The following C2orf76 variants were observed in gnomAD, a reference collection of about 807,000 sequenced individuals.
C2orf76 encodes UPF0538 protein C2orf76.
A neutral mutation model predicts 16.9 loss-of-function variants in C2orf76; 23 were observed. That is an observed-to-expected ratio of 1.36 (90% CI 0.98 to 1.93). C2orf76 has a LOEUF of 1.93. Among genes scored for constraint, C2orf76 ranks in the 30% most tolerant of loss-of-function variants. The pLI is 0.00. For missense variants in C2orf76, 152 were observed against 152.6 expected (o/e 1.00, Z 0.02); for synonymous variants, 48 against 52.3 (o/e 0.92, Z 0.35).
rs375117333 is a variant in C2orf76 at position 119,365,350 on chromosome 2, G to A, written c.-13+1440C>T. 7.2e-5 allele frequency among the ~76,000 whole-genome samples: 11 copies of A among 152,294 alleles called. No individual in the cohort carries two copies. The East Asian group carries it at 1.2e-3, about 16-fold the overall frequency. On this transcript the variant is annotated intron_variant, in intron 1 of 5. Coordinates refer to ENST00000334816, the MANE Select transcript of C2orf76 (RefSeq NM_001322331.2). ...TGAATTGTGATTTTCGAAGAAACCT[G>A]CATTTCTTACACTTCAGTGTACTTT...
intron 2 of C2orf76, among the ~76,000 whole-genome samples, chr2:119,326,533 A>T (rs1313538677): frequency 6.6e-6 from 1 of 152,104 alleles, no homozygotes; most frequent in African/African-American, 2.4e-5. Flanking sequence ...TTTGTGAGTT[A>T]TGACGATTTT....
At chr2:119,348,691 A>G (rs1680285922) in intron 1 of C2orf76, among the ~76,000 whole-genome samples, 1 of 151,940 alleles carries the variant, frequency 6.6e-6, no homozygotes, top group Non-Finnish European at 1.5e-5. Flanking sequence ...TGTCTTAAAA[A>G]AAAAAAGAAA....
chr2:119,326,070 A>T (rs1007618613), intron 2 of C2orf76, among the ~76,000 whole-genome samples: 1 of 152,238 alleles, frequency 6.6e-6, no homozygotes, highest in African/African-American at 2.4e-5. Flanking sequence ...TTGAAAAGGA[A>T]AAGTTTTTAA....
chr2:119,348,570 C>T (rs1437772251), intron 1 of C2orf76, among the ~76,000 whole-genome samples: 1 of 152,028 alleles, frequency 6.6e-6, no homozygotes, highest in Non-Finnish European at 1.5e-5. Context: ...CCTGTAATCC[C>T]AGCTACTCGG....
chr2:119,311,062 T>A (rs1429317060), intron 5 of C2orf76: 1 of 696,450 alleles, frequency 1.4e-6, no homozygotes, highest in Non-Finnish European at 1.8e-6. Context: ...TGACATCTAA[T>A]GGTCACAAAA....
chr2:119,311,741 T>C, intron 4 of C2orf76, 38 bp from the exon 5 acceptor site: 1 of 1,558,362 alleles, frequency 6.4e-7, no homozygotes, highest in South Asian at 1.2e-5. Context: ...TTATCAGTAC[T>C]TACATGGGTT....
At chr2:119,338,100 C>T (rs1679908730) in intron 2 of C2orf76, among the ~76,000 whole-genome samples, 1 of 152,156 alleles carries the variant, frequency 6.6e-6, no homozygotes, top group African/African-American at 2.4e-5. Context: ...TGGGTAATGA[C>T]CTTTCAAAAG....
Position 119,366,812 on chromosome 2 carries a change from C to T in C2orf76, c.-35G>A. 1.7e-6 allele frequency: 1 copy of T among 585,178 alleles called. No homozygotes were observed. The highest frequency in any genetic ancestry group is 3.0e-6 in the Non-Finnish European group (1 of 331,174). 36.2% of individuals were successfully genotyped at this position (585,178 alleles called of 1,614,324 possible). On this transcript the variant is annotated 5_prime_UTR_variant, in exon 1 of 6. Coordinates refer to ENST00000334816, the MANE Select transcript of C2orf76 (RefSeq NM_001322331.2). ...CACCTGTTCCCGGCGTCCCCTTCGGCTACTCCCGGCGTTTGCGCAAGCGGT... is the reference window on the plus strand; with the variant it reads ...CACCTGTTCCCGGCGTCCCCTTCGGTTACTCCCGGCGTTTGCGCAAGCGGT...
intron 1 of C2orf76, among the ~76,000 whole-genome samples, chr2:119,363,610 T>C (rs1488668718): frequency 3.9e-5 from 6 of 152,168 alleles, no homozygotes; most frequent in Non-Finnish European, 8.8e-5. Flanking sequence ...TCTCCTGAAA[T>C]CGTAGTTCAT....
At chr2:119,323,743 A>T (rs1230889183) in intron 2 of C2orf76, among the ~76,000 whole-genome samples, 2 of 152,244 alleles carry the variant, frequency 1.3e-5, no homozygotes, top group Admixed American at 6.5e-5. Flanking sequence ...AAGGAGGGGC[A>T]GTGAGATCTG....
chr2:119,312,925 G>C (rs1679043173), intron 4 of C2orf76, among the ~76,000 whole-genome samples: 1 of 152,020 alleles, frequency 6.6e-6, no homozygotes, highest in Non-Finnish European at 1.5e-5. Context: ...CTACTCAGGA[G>C]GCTGAGGCAG....
chr2:119,320,419 A>G (rs1679306752), intron 3 of C2orf76, among the ~76,000 whole-genome samples: 1 of 152,150 alleles, frequency 6.6e-6, no homozygotes, highest in African/African-American at 2.4e-5. Flanking sequence ...AGCCCAATAA[A>G]TCAAAGTACT....
chr2:119,300,422 G>C (rs7593313), downstream of C2orf76, among the ~76,000 whole-genome samples: 68,888 of 151,856 alleles, frequency 0.45, 16,233 homozygotes, highest in African/African-American at 0.6. Context: ...TCAAATACCT[G>C]TTTAAATCAT....
intron 5 of C2orf76, among the ~76,000 whole-genome samples, chr2:119,309,431 G>A (rs1274423889): frequency 2.2e-5 from 2 of 88,974 alleles, no homozygotes; most frequent in African/African-American, 9.5e-5. Context: ...TTTTGAGATA[G>A]AGTCTCACTC....
rs546638261 is a variant in C2orf76 at position 119,329,253 on chromosome 2, T to G, written c.134-8049A>C. Among the ~76,000 whole-genome samples the G allele has an allele frequency of 2.1e-4, 32 of 152,330 alleles. 1 individual carries two copies. In the South Asian group the frequency reaches 6.4e-3, roughly 31 times the overall value. ...TCGTTATGTCCTCTCAGTTGATGCC[T>G]TTATCATTATGAAGTGATAGTTTTA... On this transcript the variant is annotated intron_variant, in intron 2 of 5. Transcript: ENST00000334816.
chr2:119,283,314 T>C, the C2orf76 span, among the ~76,000 whole-genome samples: 2 of 152,170 alleles, frequency 1.3e-5, no homozygotes, highest in Non-Finnish European at 1.5e-5. Context: ...CGCCTCTCAG[T>C]GCTGCACCCC....
chr2:119,337,876 G>A (rs1201218487), intron 2 of C2orf76, among the ~76,000 whole-genome samples: 3 of 152,136 alleles, frequency 2.0e-5, no homozygotes, highest in Admixed American at 6.6e-5. Context: ...AAAGAACACC[G>A]TGACCCTGGA....
the C2orf76 span, among the ~76,000 whole-genome samples, chr2:119,288,821 C>T: frequency 6.6e-6 from 1 of 151,958 alleles, no homozygotes. Context: ...GAGGACAAGT[C>T]ACCTCCCCAG....
At chr2:119,339,765 A>G (rs1679965218) in intron 2 of C2orf76, 62 bp downstream of exon 2, 1 of 1,457,316 alleles carries the variant, frequency 6.9e-7, no homozygotes, top group African/African-American at 1.4e-5. Context: ...ATTATTATTA[A>G]TGTCATAGTC....
Sources: gnomAD v4.1 joint callset for allele counts (sites outside exome capture counted in the v4.1 genomes callset) on GRCh38, gnomAD v4.1.1 for gene constraint, MANE v1.5 for transcripts, NCBI Gene and HGNC (gene_info 2026-07-23, HGNC 2026-07-21) for gene names.